Variants in SCN2A observed in about 807,000 individuals in gnomAD.
SCN2A encodes sodium channel protein type 2 subunit alpha.
SCN2A carries 20 observed loss-of-function variants against 188.7 expected under a neutral mutation model. That is an observed-to-expected ratio of 0.11 (90% CI 0.07 to 0.15). The LOEUF (loss-of-function observed/expected upper bound fraction) is 0.15, where lower values mean the gene tolerates loss of function less well. Among genes scored for constraint, SCN2A ranks in the 10% least tolerant of loss-of-function variants. SCN2A has a pLI of 1.00. For synonymous variants in SCN2A, 804 were observed against 833.1 expected (o/e 0.97, Z 0.60); for missense variants, 1,278 against 2,445.0 (o/e 0.52, Z 10.07).
chr2:165,363,323 C>G (rs191183433), intron 17 of SCN2A, among the ~76,000 whole-genome samples: 1 of 152,188 alleles, frequency 6.6e-6, no homozygotes, highest in East Asian at 1.9e-4. Context: ...TGGGGTCACC[C>G]GAAGTCTTAC....
At chr2:165,265,471 C>CTATATATATATATATA (rs1178289931) in intron 1 of SCN2A, among the ~76,000 whole-genome samples, 20 of 29,016 alleles carry the variant, frequency 6.9e-4, no homozygotes, top group Admixed American at 1.0e-3. Flanking sequence ...CTCTGTTGAT[C>CTATATATATATATATA]TATATATATA....
chr2:165,283,434 A>C (rs556937926), intron 1 of SCN2A, among the ~76,000 whole-genome samples: 1 of 152,332 alleles, frequency 6.6e-6, no homozygotes, highest in Admixed American at 6.5e-5. Context: ...AGATGTATAC[A>C]GTATTGCAGA....
chr2:165,276,609 G>A (rs1393813965), intron 1 of SCN2A, among the ~76,000 whole-genome samples: 1 of 152,138 alleles, frequency 6.6e-6, no homozygotes, highest in Non-Finnish European at 1.5e-5. Context: ...CACTGGTAAG[G>A]TCTTTCCTTA....
intron 1 of SCN2A, among the ~76,000 whole-genome samples, chr2:165,275,820 C>T (rs1321097552): frequency 1.3e-5 from 2 of 151,136 alleles, no homozygotes; most frequent in African/African-American, 2.4e-5. Flanking sequence ...CTGCAACCTC[C>T]GCCTCCTGGG....
chr2:165,286,246 A>G (rs1266576367), intron 1 of SCN2A, among the ~76,000 whole-genome samples: 2 of 152,162 alleles, frequency 1.3e-5, no homozygotes, highest in Non-Finnish European at 2.9e-5. Context: ...TGTGCAGCAG[A>G]GCAACATTAA....
intron 3 of SCN2A, among the ~76,000 whole-genome samples, chr2:165,298,621 A>G (rs1023057262): frequency 6.6e-6 from 1 of 152,312 alleles, no homozygotes; most frequent in East Asian, 1.9e-4. Flanking sequence ...GCATGTGGGG[A>G]AAAAGATGTC....
Position 165,390,019 on chromosome 2 carries a change from G to A in SCN2A, c.*195G>A, listed in dbSNP as rs1702067715. On this transcript the variant is annotated 3_prime_UTR_variant, in exon 27 of 27. Coordinates refer to ENST00000375437, the MANE Select transcript of SCN2A (RefSeq NM_001040142.2). ...TGGAACTCAGTAAACTGGAGAAATAGTATCGATGGGAGGTTTCTATTTTCA... is the reference window on the plus strand; with the variant it reads ...TGGAACTCAGTAAACTGGAGAAATAATATCGATGGGAGGTTTCTATTTTCA... 1.2e-6 allele frequency: 1 copy of A among 818,836 alleles called. No homozygotes were observed. The highest frequency in any genetic ancestry group is 1.8e-6 in the Non-Finnish European group (1 of 548,616). The allele number at this position is 818,836 out of a possible 1,614,324, so 50.7% of individuals were successfully genotyped here.
intron 1 of SCN2A, chr2:165,294,169 C>G: frequency 1.1e-6 from 1 of 894,718 alleles, no homozygotes. Flanking sequence ...TGCTTATTCT[C>G]TGTGATGCTT....
chr2:165,327,047 T>C (rs1345581535), intron 13 of SCN2A, 63 bp downstream of exon 13: 2 of 1,571,702 alleles, frequency 1.3e-6, no homozygotes, highest in Admixed American at 3.3e-5. Flanking sequence ...AAACACTTCA[T>C]AAATTTCAAT....
intron 16 of SCN2A, among the ~76,000 whole-genome samples, chr2:165,345,423 G>A (rs1345078188): frequency 6.6e-6 from 1 of 152,036 alleles, no homozygotes; most frequent in Non-Finnish European, 1.5e-5. Flanking sequence ...ATATATTTAG[G>A]ATAGTTAGCT....
At chr2:165,367,419 C>T in intron 19 of SCN2A, 48 bp downstream of exon 19, 1 of 1,599,344 alleles carries the variant, frequency 6.3e-7, no homozygotes, top group Non-Finnish European at 8.6e-7. Flanking sequence ...GAAATCTTTT[C>T]CCTTTCCCTT....
intron 1 of SCN2A, among the ~76,000 whole-genome samples, chr2:165,263,998 T>C (rs566928724): frequency 6.6e-6 from 1 of 152,196 alleles, no homozygotes; most frequent in Non-Finnish European, 1.5e-5. Flanking sequence ...TAACTTTGTA[T>C]CAAAACTTTG....
intron 1 of SCN2A, among the ~76,000 whole-genome samples, chr2:165,291,107 T>C (rs1696088294): frequency 7.0e-6 from 1 of 142,902 alleles, no homozygotes. Context: ...AGTGGCATGA[T>C]CTTGGCTTAC....
chr2:165,282,430 T>G (rs1306896643), intron 1 of SCN2A, among the ~76,000 whole-genome samples: 1 of 152,206 alleles, frequency 6.6e-6, no homozygotes, highest in Non-Finnish European at 1.5e-5. Flanking sequence ...CATATGGCTC[T>G]GTGTTTGCCC....
chr2:165,342,505 GTAAT>G, intron 15 of SCN2A, 36 bp downstream of exon 15: 2 of 1,603,464 alleles, frequency 1.2e-6, no homozygotes, highest in South Asian at 1.1e-5. Context: ...AATGTACTTT[GTAAT>G]TAATTAGTCT....
chr2:165,331,448 A>T lies in SCN2A; in HGVS notation c.2268A>T (p.Val756=). 1 of 1,613,784 alleles carries T rather than the reference A, an allele frequency of 6.2e-7. No individual in the cohort carries two copies. The highest frequency in any genetic ancestry group is 1.1e-5 in the South Asian group (1 of 91,062). Residue 756 remains valine, a synonymous_variant, in exon 14 of 27, where the codon GTA becomes GTT. Coordinates refer to ENST00000375437, the MANE Select transcript of SCN2A (RefSeq NM_001040142.2). Reference sequence around the variant, plus strand: ...TGAAACACCTTGTCAACCTGGTTGTAATGGACCCATTTGTTGACCTGGCCA... The same window carrying T: ...TGAAACACCTTGTCAACCTGGTTGTTATGGACCCATTTGTTGACCTGGCCA... ...LKVKHLVNLV[V]MDPFVDLAIT...
intron 11 of SCN2A, among the ~76,000 whole-genome samples, chr2:165,315,984 G>C (rs1050466063): frequency 2.0e-5 from 3 of 152,070 alleles, no homozygotes; most frequent in Non-Finnish European, 4.4e-5. Context: ...AAAAATTTGC[G>C]GTTTTGAGGT....
rs1353761104 is a variant in SCN2A, at chr2:165,357,681, T to C, written c.3399+3010T>C. Among the ~76,000 whole-genome samples the C allele has an allele frequency of 2.0e-5, 3 of 152,206 alleles. No individual in the cohort carries two copies. The South Asian group carries it at 6.2e-4, about 31-fold the overall frequency. On this transcript the variant is annotated intron_variant, in intron 17 of 26. Coordinates refer to ENST00000375437, the MANE Select transcript of SCN2A (RefSeq NM_001040142.2). ...TTTTTTCTTTTAGAGTATTTAATAA[T>C]GTGGAAGCCATGCTTGAATGACTAT...
At position 165,310,509 on chromosome 2, in the gene SCN2A, T is replaced by C; in HGVS notation, c.884T>C (p.Phe295Ser). The C allele has an allele frequency of 6.2e-7, 1 of 1,613,368 alleles. No homozygotes were observed. Among genetic ancestry groups the C allele is most frequent in the African/African-American group, 1.3e-5 (1 of 75,012 alleles). The stretch of plus-strand genomic sequence containing the variant: ...TCCTTTGAAATAAATATCACTTCCT[T>C]CTTTAACAATTCATTGGATGGGAAT... ...NSSFEINITS[F>S]FNNSLDGNGT... Residue 295 changes from phenylalanine (F) to serine (S), a missense_variant, in exon 7 of 27, where the codon TTC (phenylalanine) becomes TCC (serine). Phe to Ser is a radical substitution (Grantham distance 155). Transcript: ENST00000375437.
Sources: allele counts gnomAD v4.1 joint callset (sites outside exome capture counted in the v4.1 genomes callset), GRCh38; gene constraint gnomAD v4.1.1; transcripts MANE v1.5; gene names NCBI Gene and HGNC (gene_info 2026-07-23, HGNC 2026-07-21).